ARHGAP6: variants seen among roughly 807,000 people sequenced by gnomAD.
ARHGAP6 encodes the protein rho GTPase-activating protein 6.
ARHGAP6 carries 16 observed loss-of-function variants against 55.7 expected under a neutral mutation model. That is an observed-to-expected ratio of 0.29 (90% CI 0.19 to 0.44). ARHGAP6 has a LOEUF of 0.44. ARHGAP6 is among the 20% of genes least tolerant of loss of function. The pLI is 1.00. For missense variants in ARHGAP6, 698 were observed against 808.9 expected (o/e 0.86, Z 1.66); for synonymous variants, 382 against 360.9 (o/e 1.06, Z -0.66).
chrX:11,445,741 T>C (rs1321997061), intron 1 of ARHGAP6, among the ~76,000 whole-genome samples: 1 of 111,501 alleles, frequency 9.0e-6, no homozygotes, highest in African/African-American at 3.3e-5. Context: ...GGTTGGGCAC[T>C]ACTGGCATCT....
chrX:11,516,652 T>G (rs1220248599), intron 1 of ARHGAP6, among the ~76,000 whole-genome samples: 1 of 112,341 alleles, frequency 8.9e-6, no homozygotes, highest in Non-Finnish European at 1.9e-5. Context: ...TTCCTCCATT[T>G]TGCAGATGAA....
chrX:11,455,745 T>C (rs1403126080), intron 1 of ARHGAP6, among the ~76,000 whole-genome samples: 3 of 111,820 alleles, frequency 2.7e-5, no homozygotes, highest in Admixed American at 9.6e-5. Context: ...CAGTGTTGGA[T>C]TGAAATAAGA....
chrX:11,630,563 A>G (rs2052349372), intron 1 of ARHGAP6, among the ~76,000 whole-genome samples: 1 of 112,462 alleles, frequency 8.9e-6, no homozygotes, highest in South Asian at 3.7e-4. Context: ...GCAGTTAGCA[A>G]GATGGCTGGC....
Position 11,473,090 on chromosome X carries a change from A to G in ARHGAP6, c.588+191151T>C, listed in dbSNP as rs139271762. ...CGGTTTCCCTCCAAACATTGCCAGC[A>G]CTTGAAGTCTCTCGGGAGCTAAAGC... On this transcript the variant is annotated intron_variant, in intron 1 of 12. Coordinates refer to ENST00000337414, the MANE Select transcript of ARHGAP6 (RefSeq NM_013427.3). Among the ~76,000 whole-genome samples, 897 of 110,891 alleles carry G rather than the reference A, an allele frequency of 8.1e-3. 29 individuals are homozygous for G. The highest frequency in any genetic ancestry group is 0.078 in the Admixed American group (807 of 10,400).
chrX:11,444,638 T>C (rs769203137), intron 1 of ARHGAP6, among the ~76,000 whole-genome samples: 1 of 112,295 alleles, frequency 8.9e-6, no homozygotes, highest in South Asian at 3.8e-4. Context: ...ACCTTTTGAA[T>C]GGTGTGGTCC....
At chrX:11,243,434 T>C (rs946295804) in intron 2 of ARHGAP6, among the ~76,000 whole-genome samples, 2 of 112,264 alleles carry the variant, frequency 1.8e-5, no homozygotes, top group Non-Finnish European at 3.8e-5. Context: ...GAAGGGAATA[T>C]TGCTAACTTC....
intron 1 of ARHGAP6, among the ~76,000 whole-genome samples, chrX:11,327,447 T>C (rs2048512591): frequency 8.9e-6 from 1 of 112,416 alleles, no homozygotes; most frequent in African/African-American, 3.2e-5. Context: ...CCTTTAAAGA[T>C]TGGAAAATAT....
chrX:11,599,618 G>T (rs1332228959), intron 1 of ARHGAP6, among the ~76,000 whole-genome samples: 1 of 111,856 alleles, frequency 8.9e-6, no homozygotes, highest in Non-Finnish European at 1.9e-5. Context: ...GTTTTCAGGG[G>T]CTGGGGGAAC....
At chrX:11,416,540 C>G (rs1350062180) in intron 1 of ARHGAP6, among the ~76,000 whole-genome samples, 1 of 111,232 alleles carries the variant, frequency 9.0e-6, no homozygotes, top group African/African-American at 3.3e-5. Context: ...TTTCACTCTT[C>G]AGCAATCCTG....
intron 1 of ARHGAP6, among the ~76,000 whole-genome samples, chrX:11,361,811 A>G (rs2049015113): frequency 9.0e-6 from 1 of 111,584 alleles, no homozygotes; most frequent in African/African-American, 3.3e-5. Flanking sequence ...TTTACAAGAA[A>G]AAAACGACCA....
chrX:11,552,555 C>CATATATATATATATATAT (rs59008705), intron 1 of ARHGAP6, among the ~76,000 whole-genome samples: 4 of 12,538 alleles, frequency 3.2e-4, no homozygotes, highest in Admixed American at 1.5e-3. Flanking sequence ...GAAAATGTGC[C>CATATATATATATATATAT]ATATATATAT....
At chrX:11,158,596 G>C (rs1035277174) in intron 9 of ARHGAP6, among the ~76,000 whole-genome samples, 3 of 112,481 alleles carry the variant, frequency 2.7e-5, no homozygotes, top group Non-Finnish European at 5.6e-5. Flanking sequence ...GTGGTTGTCA[G>C]AATGCCATGG....
chrX:11,298,811 TCACCAGCCCATG>T (rs1301017959), intron 1 of ARHGAP6: 1 of 1,207,851 alleles, frequency 8.3e-7, no homozygotes, highest in African/African-American at 1.8e-5. Flanking sequence ...AGCCACAGCC[TCACCAGCCCATG>T]CAGCCCCAGC....
chrX:11,351,333 A>T (rs2048861039), intron 1 of ARHGAP6: 3 of 946,912 alleles, frequency 3.2e-6, no homozygotes, highest in African/African-American at 4.1e-5. Flanking sequence ...ATATTAAAAT[A>T]AACATTCATA....
intron 12 of ARHGAP6, among the ~76,000 whole-genome samples, chrX:11,140,202 TAA>T (rs773186297): frequency 8.7e-4 from 86 of 98,977 alleles, no homozygotes; most frequent in African/African-American, 2.0e-3. Flanking sequence ...AAAAAAAAAA[TAA>T]AAAAAAAAAT....
intron 8 of ARHGAP6, among the ~76,000 whole-genome samples, chrX:11,171,666 GTCTT>G (rs1388530341): frequency 3.6e-5 from 4 of 112,158 alleles, no homozygotes; most frequent in Non-Finnish European, 5.6e-5. Flanking sequence ...TTTTCTACTT[GTCTT>G]TCTTTCAGGT....
chrX:11,383,935 C>T (rs1481359465), intron 1 of ARHGAP6, among the ~76,000 whole-genome samples: 3 of 110,468 alleles, frequency 2.7e-5, no homozygotes, highest in African/African-American at 9.9e-5. Flanking sequence ...TCTATACACA[C>T]AGTTTTCCTG....
intron 1 of ARHGAP6, among the ~76,000 whole-genome samples, chrX:11,632,806 C>A (rs2052375523): frequency 8.9e-6 from 1 of 112,284 alleles, no homozygotes; most frequent in Admixed American, 9.4e-5. Context: ...CTGGTAGCCA[C>A]CACATCTTCT....
At chrX:11,327,494 T>C (rs2048513169) in intron 1 of ARHGAP6, among the ~76,000 whole-genome samples, 1 of 112,155 alleles carries the variant, frequency 8.9e-6, no homozygotes, top group Non-Finnish European at 1.9e-5. Flanking sequence ...TATCAAATAA[T>C]TTTGGAATGT....
Sources: allele counts gnomAD v4.1 joint callset (sites outside exome capture counted in the v4.1 genomes callset), GRCh38; gene constraint gnomAD v4.1.1; transcripts MANE v1.5; gene names NCBI Gene and HGNC (gene_info 2026-07-23, HGNC 2026-07-21).